PRH1: variants seen among roughly 807,000 people sequenced by gnomAD.
PRH1 encodes salivary acidic proline-rich phosphoprotein 1/2.
In PRH1, 7 loss-of-function variants were observed where a neutral mutation model predicts 7.9. That is an observed-to-expected ratio of 0.89 (90% confidence interval 0.50 to 1.67). The LOEUF (loss-of-function observed/expected upper bound fraction) is 1.67. Ranked by LOEUF, PRH1 falls within the 40% of genes most tolerant of loss-of-function variation. PRH1 has a pLI of 0.00. For synonymous variants in PRH1, 45 were observed against 80.8 expected (o/e 0.56, Z 2.38); for missense variants, 109 against 223.6 (o/e 0.49, Z 3.27).
intron 1 of PRH1, chr12:10,997,870 C>T (rs1351170820): frequency 6.3e-7 from 1 of 1,583,798 alleles, no homozygotes. Context: ...GTAGAAAACT[C>T]ATCATGTCTA....
intron 1 of PRH1, chr12:11,171,330 C>G: frequency 2.4e-6 from 3 of 1,226,254 alleles, no homozygotes; most frequent in Non-Finnish European, 3.1e-6. Flanking sequence ...TCGCTACAGA[C>G]GCTGGGCGGG....
chr12:11,090,162 C>T (rs1470166776), intron 1 of PRH1, among the ~76,000 whole-genome samples: 2 of 103,080 alleles, frequency 1.9e-5, no homozygotes, highest in Admixed American at 9.9e-5. Context: ...AATATGTCAA[C>T]ACCCTTTCAT....
chr12:10,918,293 G>A (rs1313815751), intron 2 of PRH1, among the ~76,000 whole-genome samples: 1 of 152,056 alleles, frequency 6.6e-6, no homozygotes, highest in Non-Finnish European at 1.5e-5. Flanking sequence ...GTGATAGGTT[G>A]ATAGGTGCAG....
chr12:10,881,222 C>T (rs1466615945), intron 3 of PRH1, among the ~76,000 whole-genome samples, 166 bp from the exon 4 acceptor site: 1 of 152,166 alleles, frequency 6.6e-6, no homozygotes, highest in East Asian at 1.9e-4. Flanking sequence ...TCTTTGTTCA[C>T]TCTTTAAGCC....
chr12:11,166,688 T>C (rs1314885342), intron 1 of PRH1, among the ~76,000 whole-genome samples: 2 of 152,268 alleles, frequency 1.3e-5, no homozygotes, highest in Non-Finnish European at 2.9e-5. Flanking sequence ...GAAGATTTTG[T>C]TCCCATTTGT....
At chr12:10,958,562 T>TA (rs555723138) in intron 2 of PRH1, among the ~76,000 whole-genome samples, 1 of 150,780 alleles carries the variant, frequency 6.6e-6, no homozygotes, top group Non-Finnish European at 1.5e-5. Context: ...AAATAAAAGC[T>TA]AAAAAAAGAA....
At chr12:10,986,613 G>A in intron 1 of PRH1, 2 of 1,613,764 alleles carry the variant, frequency 1.2e-6, no homozygotes, top group Non-Finnish European at 1.7e-6. Context: ...ATTATAAGAA[G>A]TAATTCTTAA....
chr12:11,109,613 G>T (rs530662964), intron 1 of PRH1, among the ~76,000 whole-genome samples: 3 of 152,128 alleles, frequency 2.0e-5, no homozygotes, highest in African/African-American at 7.2e-5. Flanking sequence ...AAACAAAAAG[G>T]AATAGCATCA....
intron 2 of PRH1, among the ~76,000 whole-genome samples, chr12:10,948,817 C>A (rs937140948): frequency 2.6e-5 from 4 of 152,062 alleles, no homozygotes. Context: ...CCAGGGAGAG[C>A]CTTTGTGTAG....
intron 1 of PRH1, among the ~76,000 whole-genome samples, chr12:11,115,476 C>G (rs1379363541): frequency 6.6e-6 from 1 of 152,172 alleles, no homozygotes; most frequent in Non-Finnish European, 1.5e-5. Context: ...CCACTTTCAG[C>G]ATCAGACAGA....
At chr12:10,911,483 A>C (rs537943495) in intron 2 of PRH1, among the ~76,000 whole-genome samples, 1 of 152,224 alleles carries the variant, frequency 6.6e-6, no homozygotes, top group African/African-American at 2.4e-5. Context: ...CTTTTTCAGC[A>C]GTCTGAACTG....
intron 1 of PRH1, among the ~76,000 whole-genome samples, chr12:11,141,666 T>C (rs1946707981): frequency 6.6e-6 from 1 of 152,210 alleles, no homozygotes; most frequent in South Asian, 2.1e-4. Context: ...GAGGAGTTAA[T>C]ATACTATTTG....
upstream of PRH1, among the ~76,000 whole-genome samples, chr12:10,888,681 G>A (rs970863460): frequency 2.0e-5 from 3 of 152,094 alleles, no homozygotes; most frequent in Non-Finnish European, 4.4e-5. Context: ...CACTGAAAGT[G>A]TTTTATAATT....
At chr12:11,007,688 T>C (rs926137706) in intron 1 of PRH1, among the ~76,000 whole-genome samples, 4 of 152,080 alleles carry the variant, frequency 2.6e-5, no homozygotes, top group Admixed American at 6.6e-5. Flanking sequence ...TTTGTATACG[T>C]CTTTGAGATG....
intron 2 of PRH1, chr12:10,908,352 C>A (rs1949836121): frequency 1.9e-6 from 3 of 1,566,716 alleles, no homozygotes; most frequent in Admixed American, 1.9e-5. Flanking sequence ...ATTCAATAAT[C>A]TGTGGTCTGA....
chr12:10,998,158 C>G (rs535112635), intron 1 of PRH1, among the ~76,000 whole-genome samples: 4 of 152,234 alleles, frequency 2.6e-5, no homozygotes, highest in African/African-American at 9.6e-5. Flanking sequence ...ATTTTTCATA[C>G]TGATGTTGAA....
chr12:11,123,704 T>C (rs1444695709), intron 1 of PRH1, among the ~76,000 whole-genome samples: 2 of 151,238 alleles, frequency 1.3e-5, no homozygotes, highest in African/African-American at 2.4e-5. Context: ...TGTTACCCTC[T>C]AGTCTTATAT....
intron 2 of PRH1, among the ~76,000 whole-genome samples, chr12:10,970,278 A>T (rs917905744): frequency 6.6e-6 from 1 of 152,226 alleles, no homozygotes; most frequent in Non-Finnish European, 1.5e-5. Context: ...GTGTGCACAT[A>T]CTATGATTTT....
intron 1 of PRH1, among the ~76,000 whole-genome samples, chr12:11,144,902 C>T (rs559253589): frequency 2.2e-4 from 34 of 152,336 alleles, no homozygotes; most frequent in Admixed American, 2.2e-3. Context: ...AGGAGGGTCT[C>T]CCTTTCCTAC....
Sources: gnomAD v4.1 joint callset for allele counts (sites outside exome capture counted in the v4.1 genomes callset) on GRCh38, gnomAD v4.1.1 for gene constraint, MANE v1.5 for transcripts, NCBI Gene and HGNC (gene_info 2026-07-23, HGNC 2026-07-21) for gene names.